ZKSCAN4: variants seen among roughly 807,000 people sequenced by gnomAD.
The protein encoded by ZKSCAN4 is zinc finger protein with KRAB and SCAN domains 4.
ZKSCAN4 carries 23 observed loss-of-function variants against 30.8 expected under a neutral mutation model. That is an observed-to-expected ratio of 0.75 (90% confidence interval 0.54 to 1.06). ZKSCAN4 has a LOEUF of 1.06. Among genes scored for constraint, ZKSCAN4 ranks in the 50% least tolerant of loss-of-function variants. The pLI, the probability that ZKSCAN4 is intolerant of heterozygous loss-of-function variation, is 0.00. For synonymous variants in ZKSCAN4, 208 were observed against 252.5 expected (o/e 0.82, Z 1.67); for missense variants, 556 against 665.4 (o/e 0.84, Z 1.81).
rs1284561336 is a variant in ZKSCAN4 at position 28,251,546 on chromosome 6, T to C, written c.423+12A>G. 3 of 1,614,164 alleles carry C rather than the reference T, an allele frequency of 1.9e-6. No homozygotes were observed. Among genetic ancestry groups the C allele is most frequent in the Non-Finnish European group, 2.5e-6 (3 of 1,180,024 alleles). ...GACCACAGCGCTCAGATACTAAACC[T>C]GTTCTTTCTACCTGCGGCGCCGGCT... On this transcript the variant is annotated intron_variant, in intron 1 of 4. Transcript: ENST00000377294. This position sits in a 1 kb window ranked among gnomAD's most constrained non-coding sequence, Gnocchi z 4.5.
At chr6:28,258,659 C>T in the ZKSCAN4 span, among the ~76,000 whole-genome samples, 42 of 151,826 alleles carry the variant, frequency 2.8e-4, no homozygotes, top group African/African-American at 9.9e-4. Flanking sequence ...TGGGCACCTG[C>T]AGTCCCAGCT....
At chr6:28,257,389 G>C in the ZKSCAN4 span, among the ~76,000 whole-genome samples, 2 of 152,146 alleles carry the variant, frequency 1.3e-5, no homozygotes, top group East Asian at 3.8e-4. Flanking sequence ...GGGCCTGTGG[G>C]GGGTGGAGGA....
Position 28,249,649 on chromosome 6 carries a change from GTC to G in ZKSCAN4, c.571+36_571+37del. 1 of 1,595,758 alleles carries G rather than the reference GTC, an allele frequency of 6.3e-7. No homozygotes were observed. The highest frequency in any genetic ancestry group is 8.5e-7 in the Non-Finnish European group (1 of 1,169,844). On this transcript the variant is annotated intron_variant, in intron 2 of 4. Coordinates refer to ENST00000377294, the MANE Select transcript of ZKSCAN4 (RefSeq NM_019110.5). The surrounding 1 kb of genome is among the most constrained non-coding windows in gnomAD (Gnocchi z 4.1). ...TGATCCTTAAATGAAATTGGATGAA[GTC>G]TATAGAATTCATACAACCCAGAAGA...
At chr6:28,247,996 G>A in intron 3 of ZKSCAN4, 71 bp downstream of exon 3, 3 of 1,141,514 alleles carry the variant, frequency 2.6e-6, no homozygotes, top group Non-Finnish European at 3.8e-6. Context: ...TGGGGAGGGA[G>A]GAACTTAATG....
intron 1 of ZKSCAN4, among the ~76,000 whole-genome samples, chr6:28,250,225 G>A (rs1033569793): frequency 1.3e-5 from 2 of 152,032 alleles, no homozygotes; most frequent in African/African-American, 2.4e-5. Context: ...GTGCCACCAC[G>A]CCCGGCTAAT....
rs150113793 is a variant in ZKSCAN4 at position 28,251,591 on chromosome 6, A to G, written c.390T>C (p.Tyr130=). The G allele has an allele frequency of 6.2e-7, 1 of 1,614,082 alleles. No homozygotes were observed. Among genetic ancestry groups the G allele is most frequent in the African/African-American group, 1.3e-5 (1 of 75,004 alleles). The change falls in exon 1 of 5, where the codon TAT becomes TAC. Residue 130 remains tyrosine (Y), a synonymous_variant. Transcript: ENST00000377294. This position sits in a 1 kb window ranked among gnomAD's most constrained non-coding sequence, Gnocchi z 4.5. ...CCGGCTCATCCAGCTGCCTCTCCAA[A>G]TACTCCAATAGCACCACCACCTCCT... The part of the protein sequence containing the change: ...SGEEVVVLLE[Y]LERQLDEPAP...
rs115937731 is a variant in ZKSCAN4 at position 28,248,357 on chromosome 6, G to A, written c.572-208C>T. On this transcript the variant is annotated intron_variant, in intron 2 of 4. Coordinates refer to ENST00000377294, the MANE Select transcript of ZKSCAN4 (RefSeq NM_019110.5). ...CTCTGCAGATATACAAAAACCACGTGCAGAATCGTTGGTAGGAGTGGTGAA... is the reference window on the plus strand; with the variant it reads ...CTCTGCAGATATACAAAAACCACGTACAGAATCGTTGGTAGGAGTGGTGAA... Among the ~76,000 whole-genome samples the A allele has an allele frequency of 6.9e-3, 1,053 of 152,328 alleles. 14 individuals are homozygous for A. The highest frequency in any genetic ancestry group is 0.023 in the African/African-American group (973 of 41,578).
chr6:28,252,110 G>T lies in ZKSCAN4; in HGVS notation c.-130C>A. Reference sequence around the variant, plus strand: ...CCTCCTGTCATGCCCAGGGGCCCAGGACACCCCCTGAGGCGCAGCTGCACA... The same window carrying T: ...CCTCCTGTCATGCCCAGGGGCCCAGTACACCCCCTGAGGCGCAGCTGCACA... On this transcript the variant is annotated 5_prime_UTR_variant, in exon 1 of 5. Coordinates refer to ENST00000377294, the MANE Select transcript of ZKSCAN4 (RefSeq NM_019110.5). The T allele has an allele frequency of 1.0e-6, 1 of 993,040 alleles. No homozygotes were observed. The highest frequency in any genetic ancestry group is 1.5e-6 in the Non-Finnish European group (1 of 685,832). The allele number at this position is 993,040 out of a possible 1,614,324, so 61.5% of individuals were successfully genotyped here. A position where few individuals can be genotyped will look rare whatever the true frequency, so the allele number is the denominator to read the frequency against.
chr6:28,251,307 T>G lies in ZKSCAN4; in HGVS notation c.423+251A>C. The G allele has an allele frequency of 7.0e-6, 4 of 573,720 alleles. No homozygotes were observed. Among genetic ancestry groups the G allele is most frequent in the Non-Finnish European group, 8.9e-6 (3 of 336,582 alleles). 35.5% of individuals were successfully genotyped at this position (573,720 alleles called of 1,614,324 possible). On this transcript the variant is annotated intron_variant, in intron 1 of 4. Transcript: ENST00000377294. This position sits in a 1 kb window ranked among gnomAD's most constrained non-coding sequence, Gnocchi z 4.5. ...TAAAAATCCACATATATGACTTTAA[T>G]ACAAATTTAATTCTTTGCTAACTGT...
At chr6:28,257,644 A>C in the ZKSCAN4 span, among the ~76,000 whole-genome samples, 4 of 152,266 alleles carry the variant, frequency 2.6e-5, no homozygotes, top group Non-Finnish European at 4.4e-5. Context: ...TTTGTCTTAA[A>C]AAAAGTATGT....
intron 4 of ZKSCAN4, among the ~76,000 whole-genome samples, chr6:28,246,298 T>G (rs1044106732): frequency 6.6e-6 from 1 of 152,026 alleles, no homozygotes; most frequent in East Asian, 1.9e-4. Flanking sequence ...GGATTAGATT[T>G]TGAAAGGGGT....
chr6:28,247,134 A>G, intron 3 of ZKSCAN4, 42 bp from the exon 4 acceptor site: 1 of 1,532,060 alleles, frequency 6.5e-7, no homozygotes, highest in African/African-American at 1.4e-5. Flanking sequence ...CTTGCCCAAA[A>G]TTACCCCCAA....
chr6:28,258,987 G>T, the ZKSCAN4 span, among the ~76,000 whole-genome samples: 65 of 152,238 alleles, frequency 4.3e-4, no homozygotes, highest in Admixed American at 3.9e-3. Flanking sequence ...CCACAGAGGG[G>T]TAAAGTTAAG....
chr6:28,249,784 T>C lies in ZKSCAN4; in HGVS notation c.474A>G (p.Leu158=). The change falls in exon 2 of 5, where the codon CTA becomes CTG. Residue 158 remains leucine, a synonymous_variant. Transcript: ENST00000377294. The surrounding 1 kb of genome is among the most constrained non-coding windows in gnomAD (Gnocchi z 4.1). ...GQELLCCKMA[L]LTQTQGSQSS... The stretch of plus-strand genomic sequence containing the variant: ...TTTGAGACCCTTGAGTTTGTGTCAA[T>C]AGTGCCATCTTGCAACAGAGCAGTT... 1 of 1,614,156 alleles carries C rather than the reference T, an allele frequency of 6.2e-7. No homozygotes were observed. Among genetic ancestry groups the C allele is most frequent in the Non-Finnish European group, 8.5e-7 (1 of 1,180,012 alleles).
Position 28,245,609 on chromosome 6 carries a change from C to A in ZKSCAN4, c.1145G>T (p.Gly382Val). Residue 382 changes from glycine (G) to valine (V), a missense_variant, in exon 5 of 5, where the codon GGT becomes GTT. Physicochemically the swap from Gly to Val is moderately radical, Grantham distance 109. Transcript: ENST00000377294. The part of the protein sequence containing the change: ...GEKPYECEEC[G>V]KVFSHSSNLI... ...GTTTGAGCTGTGACTGAAGACCTTA[C>A]CACATTCTTCACACTCATATGGCTT... 2 of 1,614,130 alleles carry A rather than the reference C, an allele frequency of 1.2e-6. No individual in the cohort carries two copies. The highest frequency in any genetic ancestry group is 1.7e-5 in the Admixed American group (1 of 60,026).
the ZKSCAN4 span, among the ~76,000 whole-genome samples, chr6:28,257,338 A>G: frequency 6.6e-6 from 1 of 152,170 alleles, no homozygotes; most frequent in African/African-American, 2.4e-5. Context: ...GAGTTTAACA[A>G]TGAGAACACA....
intron 1 of ZKSCAN4, among the ~76,000 whole-genome samples, chr6:28,250,087 G>A (rs1457738620): frequency 1.4e-5 from 2 of 146,694 alleles, no homozygotes; most frequent in Admixed American, 1.4e-4. Context: ...TTTTTTTTGA[G>A]ACGGAATTTC....
At position 28,243,113 on chromosome 6, in the gene ZKSCAN4, T is replaced by C. The variant is rs1581573986; in HGVS notation, c.*2003A>G. On this transcript the variant is annotated 3_prime_UTR_variant, in exon 5 of 5. Coordinates refer to ENST00000377294, the MANE Select transcript of ZKSCAN4 (RefSeq NM_019110.5). ...AAAGGAGAAAAGGAAATGGCTAGCT[T>C]TGTGGAAATAACATAAATAAAGCTG... Among the ~76,000 whole-genome samples the C allele has an allele frequency of 6.6e-6, 1 of 152,142 alleles. No homozygotes were observed. The highest frequency in any genetic ancestry group is 1.5e-5 in the Non-Finnish European group (1 of 68,012).
At chr6:28,246,385 TG>T in intron 4 of ZKSCAN4, among the ~76,000 whole-genome samples, 1 of 48,378 alleles carries the variant, frequency 2.1e-5, no homozygotes, top group Non-Finnish European at 3.1e-5. Context: ...GCAAAGAAAC[TG>T]GTGACTGGTG....
Sources: allele counts gnomAD v4.1 joint callset (sites outside exome capture counted in the v4.1 genomes callset), GRCh38; gene constraint gnomAD v4.1.1; non-coding constraint Gnocchi (gnomAD v3.1); transcripts MANE v1.5; gene names NCBI Gene and HGNC (gene_info 2026-07-23, HGNC 2026-07-21).